Variants in SLC35F1 observed in about 807,000 individuals in gnomAD.
SLC35F1 encodes the protein solute carrier family 35 member F1, also known as chromosome 6 open reading frame 169.
Under a neutral mutation model 48.7 loss-of-function variants are expected in SLC35F1, and 14 were observed. The observed-to-expected ratio is 0.29, with a 90% CI of 0.19 to 0.45. The LOEUF (loss-of-function observed/expected upper bound fraction) is 0.45. SLC35F1 is among the 20% of genes least tolerant of loss of function. The pLI is 1.00. For missense variants in SLC35F1, 404 were observed against 500.0 expected, an observed-to-expected ratio of 0.81 and a Z score of 1.83; for synonymous variants, 190 against 202.2, an observed-to-expected ratio of 0.94 and a Z score of 0.51.
intron 1 of SLC35F1, among the ~76,000 whole-genome samples, chr6:118,104,483 A>G (rs1773302588): frequency 6.6e-6 from 1 of 152,216 alleles, no homozygotes; most frequent in Non-Finnish European, 1.5e-5. Flanking sequence ...ATGCTCAATA[A>G]ATGTTAGCTA....
rs573761685 is a variant in SLC35F1 at position 117,996,994 on chromosome 6, C to G, written c.173+89095C>G. Among the ~76,000 whole-genome samples, 7 of 152,182 alleles carry G rather than the reference C, an allele frequency of 4.6e-5. No homozygotes were observed. In the South Asian group the frequency reaches 1.5e-3, roughly 32 times the overall value. On this transcript the variant is annotated intron_variant, in intron 1 of 7. Coordinates refer to ENST00000360388, the MANE Select transcript of SLC35F1 (RefSeq NM_001029858.4). The stretch of plus-strand genomic sequence containing the variant: ...CTACTCCGAGCTACAGGAGGAAATT[C>G]AAACCAAAGGCAAAGAAGTTAAAAA...
intron 1 of SLC35F1, among the ~76,000 whole-genome samples, chr6:117,993,066 G>T (rs1356413353): frequency 6.6e-6 from 1 of 152,154 alleles, no homozygotes; most frequent in East Asian, 1.9e-4. Flanking sequence ...CTCTCTTCCT[G>T]CTCAGTCAGC....
At chr6:117,958,281 A>G (rs2114832985) in intron 1 of SLC35F1, among the ~76,000 whole-genome samples, 1 of 152,330 alleles carries the variant, frequency 6.6e-6, no homozygotes, top group South Asian at 2.1e-4. Context: ...AAGTTAAAAA[A>G]ATTAAAAGTA....
chr6:118,309,455 A>G (rs925483460), intron 7 of SLC35F1, among the ~76,000 whole-genome samples: 1 of 152,184 alleles, frequency 6.6e-6, no homozygotes, highest in African/African-American at 2.4e-5. Context: ...TACTTGGTAC[A>G]TGCATTCAAT....
intron 1 of SLC35F1, among the ~76,000 whole-genome samples, chr6:117,966,068 T>C: frequency 6.7e-6 from 1 of 148,368 alleles, no homozygotes; most frequent in East Asian, 2.0e-4. Flanking sequence ...ATCAGCTCTC[T>C]GTAAAATGGA....
intron 3 of SLC35F1, among the ~76,000 whole-genome samples, chr6:118,247,823 A>T (rs1775527735): frequency 6.8e-6 from 1 of 147,848 alleles, no homozygotes; most frequent in South Asian, 2.1e-4. Context: ...GTATGTACTT[A>T]TTCTAATGTG....
intron 2 of SLC35F1, among the ~76,000 whole-genome samples, chr6:118,209,863 G>T (rs1050157773): frequency 6.6e-6 from 1 of 152,050 alleles, no homozygotes; most frequent in Admixed American, 6.6e-5. Context: ...TCTTAAATAC[G>T]ACTTTCCAAT....
Position 118,317,264 on chromosome 6 carries a change from C to G in SLC35F1, c.*3012C>G, listed in dbSNP as rs966662745. The G allele has an allele frequency of 6.6e-5, 10 of 152,114 alleles. No individual in the cohort carries two copies. The highest frequency in any genetic ancestry group is 2.4e-4 in the African/African-American group (10 of 41,348). The allele number at this position is 152,114 out of a possible 1,614,324, so 9.4% of individuals were successfully genotyped here. ...AGACCTTCCCACATCTACATACTCTCAAATACATGACCAGGTGATCAAGCA... is the reference window on the plus strand; with the variant it reads ...AGACCTTCCCACATCTACATACTCTGAAATACATGACCAGGTGATCAAGCA... On this transcript the variant is annotated 3_prime_UTR_variant, in exon 8 of 8. Coordinates refer to ENST00000360388, the MANE Select transcript of SLC35F1 (RefSeq NM_001029858.4).
intron 3 of SLC35F1, among the ~76,000 whole-genome samples, chr6:118,250,644 A>G (rs1319112231): frequency 2.6e-5 from 4 of 152,178 alleles, no homozygotes; most frequent in African/African-American, 7.2e-5. Flanking sequence ...GAAGGACATG[A>G]GAACTCCAGA....
At chr6:118,103,261 A>ATT (rs5879448) in intron 1 of SLC35F1, among the ~76,000 whole-genome samples, 4 of 151,862 alleles carry the variant, frequency 2.6e-5, no homozygotes, top group African/African-American at 9.7e-5. Context: ...ACATTTATTT[A>ATT]TTTTTTTAAA....
chr6:118,038,656 CTGT>C (rs1456844576), intron 1 of SLC35F1, among the ~76,000 whole-genome samples: 1 of 152,002 alleles, frequency 6.6e-6, no homozygotes, highest in East Asian at 1.9e-4. Context: ...AGATCTTGAA[CTGT>C]TGCCCAGGCT....
chr6:118,094,604 C>G (rs571264425), intron 1 of SLC35F1, among the ~76,000 whole-genome samples: 2 of 152,160 alleles, frequency 1.3e-5, no homozygotes, highest in African/African-American at 4.8e-5. Flanking sequence ...CCAGTAAGGT[C>G]AGAGAAAACC....
intron 2 of SLC35F1, among the ~76,000 whole-genome samples, chr6:118,205,824 A>G (rs1402841029): frequency 6.6e-6 from 1 of 152,236 alleles, no homozygotes; most frequent in Non-Finnish European, 1.5e-5. Context: ...ATATTTTCAT[A>G]TATGATACAA....
intron 3 of SLC35F1, among the ~76,000 whole-genome samples, chr6:118,246,584 G>A (rs1049823195): frequency 2.6e-5 from 4 of 152,084 alleles, no homozygotes; most frequent in Non-Finnish European, 1.5e-5. Flanking sequence ...TGAATCTGAC[G>A]ATAAAGCAGG....
Position 118,285,331 on chromosome 6 carries a change from A to T in SLC35F1, c.995A>T (p.His332Leu). The T allele has an allele frequency of 6.2e-7, 1 of 1,613,876 alleles. No individual in the cohort carries two copies. ...YSLFCGLFLF[H>L]YKFSGLYLLS... is the part of the protein sequence containing the mutation. Reference sequence around the variant, plus strand: ...CTGTTCTGTGGATTGTTTCTCTTCCACTACAAGGTAAGTTGAGTGAGTGCT... The same window carrying T: ...CTGTTCTGTGGATTGTTTCTCTTCCTCTACAAGGTAAGTTGAGTGAGTGCT... The change falls in exon 7 of 8, where the codon CAC (histidine) becomes CTC (leucine). Residue 332 changes from histidine (H) to leucine (L), a missense_variant. Physicochemically the swap from His to Leu is moderately conservative, Grantham distance 99. Transcript: ENST00000360388.
At position 118,173,176 on chromosome 6, in the gene SLC35F1, A is replaced by G. The variant is rs908950510; in HGVS notation, c.349+18556A>G. ...ACTTCTGTTTAGGATATAGTAAGCC[A>G]CAAAAGATCAACTCTCATTCTATCA... On this transcript the variant is annotated intron_variant, in intron 2 of 7. Coordinates refer to ENST00000360388, the MANE Select transcript of SLC35F1 (RefSeq NM_001029858.4). Among the ~76,000 whole-genome samples, 3 of 152,134 alleles carry G rather than the reference A, an allele frequency of 2.0e-5. No homozygotes were observed. The South Asian group carries it at 6.2e-4, about 31-fold the overall frequency.
intron 1 of SLC35F1, among the ~76,000 whole-genome samples, chr6:117,932,511 A>T (rs1399954608): frequency 6.6e-6 from 1 of 152,192 alleles, no homozygotes; most frequent in Non-Finnish European, 1.5e-5. Context: ...AGCTTCTGTC[A>T]TCTCTTCTCA....
rs1774660724 is a variant in SLC35F1, at chr6:118,186,625, A to G, written c.349+32005A>G. Among the ~76,000 whole-genome samples the G allele has an allele frequency of 2.0e-5, 3 of 152,236 alleles. 1 individual carries two copies. The highest frequency in any genetic ancestry group is 4.1e-4 in the South Asian group (2 of 4,834). On this transcript the variant is annotated intron_variant, in intron 2 of 7. Coordinates refer to ENST00000360388, the MANE Select transcript of SLC35F1 (RefSeq NM_001029858.4). Reference sequence around the variant, plus strand: ...TGCCCAATTTTCAAATAACAAATACATAGTGGTTCAACATTCATGGCATTC... The same window carrying G: ...TGCCCAATTTTCAAATAACAAATACGTAGTGGTTCAACATTCATGGCATTC...
intron 1 of SLC35F1, among the ~76,000 whole-genome samples, chr6:118,057,528 T>C (rs530828207): frequency 1.3e-3 from 160 of 126,896 alleles, no homozygotes; most frequent in African/African-American, 4.3e-3. Context: ...TGAGGAAGTA[T>C]AGTAAGAAGA....
Sources: gnomAD v4.1 joint callset for allele counts (sites outside exome capture counted in the v4.1 genomes callset) on GRCh38, gnomAD v4.1.1 for gene constraint, MANE v1.5 for transcripts, NCBI Gene and HGNC (gene_info 2026-07-23, HGNC 2026-07-21) for gene names.